The following SNX30 variants were observed in gnomAD, a reference collection of about 807,000 sequenced individuals.
SNX30 encodes sorting nexin-30.
SNX30 carries 24 observed loss-of-function variants against 46.4 expected under a neutral mutation model. That is an observed-to-expected ratio of 0.52 (90% CI 0.37 to 0.73). The LOEUF (loss-of-function observed/expected upper bound fraction) is 0.73. SNX30 is among the 30% of genes least tolerant of loss of function. The probability of loss-of-function intolerance (pLI) is 0.00; values close to 1 mark genes in which losing one functional copy is unlikely to be tolerated. For missense variants in SNX30, 533 were observed against 555.7 expected (o/e 0.96, Z 0.41); for synonymous variants, 189 against 211.5 (o/e 0.89, Z 0.92).
intron 1 of SNX30, among the ~76,000 whole-genome samples, chr9:112,777,647 A>G (rs536452665): frequency 8.9e-5 from 9 of 101,232 alleles, no homozygotes; most frequent in African/African-American, 1.2e-4. Flanking sequence ...GGGTCTCACT[A>G]TGTTGCCCAG....
At chr9:112,754,206 T>G (rs1839315809) in intron 1 of SNX30, among the ~76,000 whole-genome samples, 1 of 152,140 alleles carries the variant, frequency 6.6e-6, no homozygotes, top group Non-Finnish European at 1.5e-5. Context: ...GGTGTCTTGG[T>G]CCAGCTGACG....
chr9:112,764,688 TTG>T (rs1345989070), intron 1 of SNX30, among the ~76,000 whole-genome samples: 1 of 151,580 alleles, frequency 6.6e-6, no homozygotes, highest in Non-Finnish European at 1.5e-5. Flanking sequence ...CAGTGGGAGG[TTG>T]GGGGAGGCAG....
At chr9:112,834,005 C>T (rs1840710548) in intron 4 of SNX30, among the ~76,000 whole-genome samples, 1 of 152,140 alleles carries the variant, frequency 6.6e-6, no homozygotes, top group Non-Finnish European at 1.5e-5. Flanking sequence ...GTTGAAGATA[C>T]AGACAGGAGA....
chr9:112,810,026 G>A (rs1249614036), intron 2 of SNX30, among the ~76,000 whole-genome samples: 1 of 152,186 alleles, frequency 6.6e-6, no homozygotes, highest in Non-Finnish European at 1.5e-5. Context: ...CACCGAAGGG[G>A]CGGTGTACTT....
At chr9:112,826,027 A>C (rs1840574977) in intron 3 of SNX30, among the ~76,000 whole-genome samples, 1 of 152,226 alleles carries the variant, frequency 6.6e-6, no homozygotes, top group Non-Finnish European at 1.5e-5. Flanking sequence ...ACATAAGTTC[A>C]ATTTGCTAAA....
chr9:112,797,598 A>C (rs1019488884), intron 1 of SNX30, among the ~76,000 whole-genome samples: 1 of 152,002 alleles, frequency 6.6e-6, no homozygotes, highest in Non-Finnish European at 1.5e-5. Context: ...AATTTCCCTA[A>C]ATATCTCAAA....
At chr9:112,759,077 G>T (rs1217025869) in intron 1 of SNX30, among the ~76,000 whole-genome samples, 1 of 152,034 alleles carries the variant, frequency 6.6e-6, no homozygotes, top group African/African-American at 2.4e-5. Context: ...TGTTGCCCAG[G>T]CTGGTCTCGA....
intron 6 of SNX30, among the ~76,000 whole-genome samples, chr9:112,843,999 A>T (rs1840900182): frequency 6.6e-6 from 1 of 152,176 alleles, no homozygotes; most frequent in Admixed American, 6.5e-5. Context: ...CACTTTAAGA[A>T]GACAACTAGT....
chr9:112,795,789 A>ACACG (rs1840098715), intron 1 of SNX30, among the ~76,000 whole-genome samples: 3 of 151,840 alleles, frequency 2.0e-5, no homozygotes, highest in Admixed American at 2.0e-4. Flanking sequence ...ACACACACAC[A>ACACG]CACACACGCA....
At chr9:112,851,213 C>T (rs559448725) in intron 7 of SNX30, among the ~76,000 whole-genome samples, 4 of 152,300 alleles carry the variant, frequency 2.6e-5, no homozygotes, top group South Asian at 4.1e-4. Context: ...TTCCTTGCTC[C>T]ATAAAATGGC....
At chr9:112,864,638 C>A (rs4979170) in intron 8 of SNX30, among the ~76,000 whole-genome samples, 1 of 152,110 alleles carries the variant, frequency 6.6e-6, no homozygotes, top group African/African-American at 2.4e-5. Flanking sequence ...GCAGCCCATT[C>A]GTCTTCCATG....
At chr9:112,839,625 G>T (rs1393182235) in intron 6 of SNX30, among the ~76,000 whole-genome samples, 1 of 152,168 alleles carries the variant, frequency 6.6e-6, no homozygotes, top group Non-Finnish European at 1.5e-5. Context: ...GACGATGGGG[G>T]CACTGATTAG....
At chr9:112,834,843 A>C (rs113341587) in intron 4 of SNX30, among the ~76,000 whole-genome samples, 2,134 of 78,110 alleles carry the variant, frequency 0.027, 59 homozygotes, top group East Asian at 0.11. Context: ...CACACACACA[A>C]ACACACACAC....
At chr9:112,834,882 A>ACACACC (rs56385707) in intron 4 of SNX30, among the ~76,000 whole-genome samples, 12,362 of 105,060 alleles carry the variant, frequency 0.12, 749 homozygotes, top group South Asian at 0.18. Context: ...ACACACACAC[A>ACACACC]CCTACCTCAA....
At position 112,843,105 on chromosome 9, in the gene SNX30, A is replaced by G. The variant is rs148201214; in HGVS notation, c.1014+4408A>G. Among the ~76,000 whole-genome samples, 329 of 152,322 alleles carry G rather than the reference A, an allele frequency of 2.2e-3. 2 individuals carry two copies. Among genetic ancestry groups the G allele is most frequent in the African/African-American group, 7.1e-3 (297 of 41,574 alleles). On this transcript the variant is annotated intron_variant, in intron 6 of 8. Coordinates refer to ENST00000374232, the MANE Select transcript of SNX30 (RefSeq NM_001012994.2). Reference sequence around the variant, plus strand: ...TTTCTGGCAGTGCCTTTTGAGTATTAGCATTGTCATGACTAGGCCAAATGT... The same window carrying G: ...TTTCTGGCAGTGCCTTTTGAGTATTGGCATTGTCATGACTAGGCCAAATGT...
At chr9:112,877,702 G>A (rs936951004), downstream of SNX30, 1 of 151,544 alleles carries the variant, frequency 6.6e-6, no homozygotes, top group African/African-American at 2.4e-5. Context: ...CCTACCCTAC[G>A]TCTGCTATTA....
At chr9:112,790,503 G>C (rs1840002669) in intron 1 of SNX30, among the ~76,000 whole-genome samples, 1 of 152,154 alleles carries the variant, frequency 6.6e-6, no homozygotes, top group South Asian at 2.1e-4. Flanking sequence ...AAGGGAGCTG[G>C]TGGAAGCATG....
At chr9:112,775,058 C>CTGG (rs951908876) in intron 1 of SNX30, among the ~76,000 whole-genome samples, 8 of 151,442 alleles carry the variant, frequency 5.3e-5, no homozygotes, top group African/African-American at 1.9e-4. Context: ...GTTGGTCAGC[C>CTGG]TGGTCTCAAA....
At chr9:112,754,859 A>G (rs973612135) in intron 1 of SNX30, among the ~76,000 whole-genome samples, 1 of 152,072 alleles carries the variant, frequency 6.6e-6, no homozygotes, top group Non-Finnish European at 1.5e-5. Flanking sequence ...CTTAAGCCCC[A>G]TTGTGTGGCT....
Sources: gnomAD v4.1 joint callset for allele counts (sites outside exome capture counted in the v4.1 genomes callset) on GRCh38, gnomAD v4.1.1 for gene constraint, MANE v1.5 for transcripts, NCBI Gene and HGNC (gene_info 2026-07-23, HGNC 2026-07-21) for gene names.